The following TTF1 variants were observed in gnomAD, a reference collection of about 807,000 sequenced individuals.
TTF1 encodes transcription termination factor 1, also known as transcription termination factor, RNA polymerase I.
In TTF1, 64 loss-of-function variants were observed where a neutral mutation model predicts 80.2. The ratio of observed to expected loss-of-function variants is 0.80; its 90% CI spans 0.65 to 0.98. TTF1 has a LOEUF of 0.98. TTF1 is among the 50% of genes least tolerant of loss of function. The probability of loss-of-function intolerance (pLI) is 0.00; values close to 1 mark genes in which losing one functional copy is unlikely to be tolerated. For synonymous variants in TTF1, 372 were observed against 382.7 expected, an observed-to-expected ratio of 0.97 and a Z score of 0.33; for missense variants, 1,023 against 1,086.2, an observed-to-expected ratio of 0.94 and a Z score of 0.82.
At position 132,396,516 on chromosome 9, in the gene TTF1, A is replaced by G; in HGVS notation, c.1778-5T>C. The G allele has an allele frequency of 6.2e-7, 1 of 1,614,046 alleles. No homozygotes were observed. Among genetic ancestry groups the G allele is most frequent in the East Asian group, 2.2e-5 (1 of 44,882 alleles). On this transcript the variant is annotated splice_region_variant and splice_polypyrimidine_tract_variant and intron_variant, in intron 4 of 10. Transcript: ENST00000334270. ...AGGGCCGGGCAATGTTCCTACCTAA[A>G]GTCAGAAGAAAGGTGATCAGAGGGA... is the stretch of plus-strand genomic sequence containing the variant.
chr9:132,390,347 A>G (rs1392713086), intron 7 of TTF1, among the ~76,000 whole-genome samples: 1 of 152,210 alleles, frequency 6.6e-6, no homozygotes, highest in Non-Finnish European at 1.5e-5. Context: ...GAGTGAAGAA[A>G]TCAGAAGTCA....
At chr9:132,405,163 A>G (rs1849842892) in intron 1 of TTF1, among the ~76,000 whole-genome samples, 1 of 152,178 alleles carries the variant, frequency 6.6e-6, no homozygotes, top group African/African-American at 2.4e-5. Flanking sequence ...CTGGGATTAC[A>G]GGCGTGAGCC....
chr9:132,375,806 C>A lies in TTF1; in HGVS notation c.*109G>T, dbSNP rs1849161682. On this transcript the variant is annotated 3_prime_UTR_variant, in exon 11 of 11. Transcript: ENST00000334270. ...CAAGCAATTCTCCTGCCTCAGCCTC[C>A]CAAGTAGTTGAAATTACAGGTGTGC... 1.5e-6 allele frequency: 1 copy of A among 678,882 alleles called. No homozygotes were observed. Among genetic ancestry groups the A allele is most frequent in the Non-Finnish European group, 2.5e-6 (1 of 407,618 alleles). The allele number at this position is 678,882 out of a possible 1,614,324, so 42.1% of individuals were successfully genotyped here.
chr9:132,379,232 G>A (rs1849323970), intron 9 of TTF1, 88 bp from the exon 10 acceptor site: 3 of 926,804 alleles, frequency 3.2e-6, no homozygotes, highest in Non-Finnish European at 3.1e-6. Context: ...TTATTCAGGT[G>A]AGGTTTATAG....
At chr9:132,390,486 C>T (rs1051599345) in intron 7 of TTF1, 111 bp downstream of exon 7, 31 of 1,011,740 alleles carry the variant, frequency 3.1e-5, no homozygotes, top group South Asian at 2.0e-4. Context: ...AGACTAGACA[C>T]GATTGTTCTT....
intron 5 of TTF1, among the ~76,000 whole-genome samples, chr9:132,393,680 CTG>C (rs1290858480): frequency 2.0e-5 from 3 of 152,324 alleles, no homozygotes; most frequent in South Asian, 4.1e-4. Flanking sequence ...CTCTATATTT[CTG>C]TGTGTGTGTC....
Position 132,399,924 on chromosome 9 carries a change from G to A in TTF1, c.1591+111C>T, listed in dbSNP as rs538604256. On this transcript the variant is annotated intron_variant, in intron 3 of 10. Coordinates refer to ENST00000334270, the MANE Select transcript of TTF1 (RefSeq NM_007344.4). The stretch of plus-strand genomic sequence containing the variant: ...CTGGTAGGAGATAGAGGTGAAGGAG[G>A]AGAAAGAATGCTTCTTGTCGATCTA... 6 of 1,151,394 alleles carry A rather than the reference G, an allele frequency of 5.2e-6. No homozygotes were observed. The African/African-American group carries it at 7.6e-5, about 15-fold the overall frequency. 71.3% of individuals were successfully genotyped at this position (1,151,394 alleles called of 1,614,324 possible).
chr9:132,400,014 A>T (rs1238720634), intron 3 of TTF1, 21 bp downstream of exon 3: 1 of 1,613,696 alleles, frequency 6.2e-7, no homozygotes, highest in Non-Finnish European at 8.5e-7. Context: ...TTCAACAAAC[A>T]CTAAGGCCCC....
At chr9:132,385,795 G>GA (rs1849456020) in intron 9 of TTF1, among the ~76,000 whole-genome samples, 1 of 85,932 alleles carries the variant, frequency 1.2e-5, no homozygotes. Flanking sequence ...CTGGTATACA[G>GA]AAGGTAGTCA....
rs368736523 is a variant in TTF1 at position 132,402,278 on chromosome 9, G to A, written c.544C>T (p.Arg182Trp). The change falls in exon 2 of 11, where the codon CGG becomes TGG. Residue 182 changes from arginine to tryptophan, a missense_variant. By Grantham distance (101) the Arg-to-Trp change is moderately radical (BLOSUM62 -3). Transcript: ENST00000334270. ...QRKAASWESQ[R>W]ARDTLPQSES... ...GACTGAGGCAGGGTGTCCCTTGCCCGCTGGCTCTCCCAGGATGCAGCTTTC... is the reference window on the plus strand; with the variant it reads ...GACTGAGGCAGGGTGTCCCTTGCCCACTGGCTCTCCCAGGATGCAGCTTTC... 2.5e-5 allele frequency: 41 copies of A among 1,613,848 alleles called. No homozygotes were observed. In the South Asian group the frequency reaches 2.9e-4, roughly 11 times the overall value.
intron 1 of TTF1, among the ~76,000 whole-genome samples, chr9:132,403,417 G>C (rs545443495): frequency 6.6e-6 from 1 of 152,092 alleles, no homozygotes; most frequent in African/African-American, 2.4e-5. Context: ...CCAACTCTGC[G>C]TTTAAGCCAA....
chr9:132,383,388 A>T (rs767483929), intron 9 of TTF1, among the ~76,000 whole-genome samples: 1 of 152,180 alleles, frequency 6.6e-6, no homozygotes, highest in Non-Finnish European at 1.5e-5. Flanking sequence ...TCAATGTGAA[A>T]CTTCCTGATT....
Position 132,388,196 on chromosome 9 carries a change from C to A in TTF1, c.2255G>T (p.Gly752Val). The A allele has an allele frequency of 6.2e-7, 1 of 1,611,204 alleles. No individual in the cohort carries two copies. The highest frequency in any genetic ancestry group is 8.5e-7 in the Non-Finnish European group (1 of 1,178,308). Reference sequence around the variant, plus strand: ...ATTCATGCCATAGTAGATACGCCGACCATTAGTCATCCTCTTGGTTAGAAT... The same window carrying A: ...ATTCATGCCATAGTAGATACGCCGAACATTAGTCATCCTCTTGGTTAGAAT... ...TEILTKRMTN[G>V]RRIYYGMNAL... Residue 752 changes from glycine to valine, a missense_variant, in exon 8 of 11, where the codon GGT becomes GTT. Gly to Val is a moderately radical substitution (Grantham distance 109). Transcript: ENST00000334270.
In TTF1 at chr9:132,396,402, T is replaced by TTC. The variant is rs560867245; in HGVS notation, c.1856+30_1856+31insGA. ...GGTATCAGCAAAGACTAGAGAAATG[T>TTC]TGTCTCAAGCTGCTAAGACTTTTTT... On this transcript the variant is annotated intron_variant, in intron 5 of 10. Transcript: ENST00000334270. 5.8e-4 allele frequency: 928 copies of TTC among 1,597,770 alleles called. 2 individuals carry two copies. In the African/African-American group the frequency reaches 0.011, roughly 19 times the overall value.
At chr9:132,404,604 A>T (rs1231564676) in intron 1 of TTF1, among the ~76,000 whole-genome samples, 2 of 152,074 alleles carry the variant, frequency 1.3e-5, no homozygotes, top group Non-Finnish European at 2.9e-5. Context: ...TCTAACTTAA[A>T]AAAAAAATGC....
At chr9:132,400,359 C>G (rs1164926395) in intron 2 of TTF1, 101 bp from the exon 3 acceptor site, 1 of 960,034 alleles carries the variant, frequency 1.0e-6, no homozygotes, top group Non-Finnish European at 1.6e-6. Context: ...GAGGCTTGCT[C>G]TGTCGCCAGG....
At chr9:132,389,306 C>T (rs772004856) in intron 7 of TTF1, among the ~76,000 whole-genome samples, 1 of 151,742 alleles carries the variant, frequency 6.6e-6, no homozygotes, top group Non-Finnish European at 1.5e-5. Flanking sequence ...CCTCAGCCTC[C>T]CGAGTAGCTG....
intron 9 of TTF1, 95 bp from the exon 10 acceptor site, chr9:132,379,239 A>G (rs1849324218): frequency 2.2e-6 from 2 of 890,994 alleles, no homozygotes; most frequent in East Asian, 2.7e-5. Context: ...GGTGAGGTTT[A>G]TAGTTTTTTT....
chr9:132,394,017 G>A (rs1190261313), intron 5 of TTF1, among the ~76,000 whole-genome samples: 1 of 151,742 alleles, frequency 6.6e-6, no homozygotes, highest in East Asian at 1.9e-4. Flanking sequence ...CACCTCCTGG[G>A]ATCAAGCGAT....
Sources: gnomAD v4.1 joint callset for allele counts (sites outside exome capture counted in the v4.1 genomes callset) on GRCh38, gnomAD v4.1.1 for gene constraint, MANE v1.5 for transcripts, NCBI Gene and HGNC (gene_info 2026-07-23, HGNC 2026-07-21) for gene names.